SAMD12: variants seen among roughly 807,000 people sequenced by gnomAD.
SAMD12 encodes the protein sterile alpha motif domain-containing protein 12.
In SAMD12, 9 loss-of-function variants were observed where a neutral mutation model predicts 15.0. That is an observed-to-expected ratio of 0.60 (90% CI 0.36 to 1.05). The LOEUF (loss-of-function observed/expected upper bound fraction) is 1.05. SAMD12 is among the 50% of genes least tolerant of loss of function. SAMD12 has a pLI of 0.01. For synonymous variants in SAMD12, 86 were observed against 90.1 expected, an observed-to-expected ratio of 0.96 and a Z score of 0.25; for missense variants, 230 against 234.2, an observed-to-expected ratio of 0.98 and a Z score of 0.12.
the SAMD12 span, among the ~76,000 whole-genome samples, chr8:118,171,026 A>G: frequency 1.3e-5 from 2 of 152,204 alleles, no homozygotes; most frequent in African/African-American, 4.8e-5. Context: ...ATGAATAGAC[A>G]TTTCTCCAAG....
At chr8:118,308,055 G>A (rs962076590) in intron 4 of SAMD12, among the ~76,000 whole-genome samples, 3 of 152,196 alleles carry the variant, frequency 2.0e-5, no homozygotes, top group African/African-American at 7.2e-5. Context: ...CAGGCCTCAT[G>A]CTGATAACTG....
chr8:118,316,258 G>C (rs1353255935), intron 4 of SAMD12, among the ~76,000 whole-genome samples: 1 of 151,764 alleles, frequency 6.6e-6, no homozygotes, highest in Non-Finnish European at 1.5e-5. Context: ...AGATTGGCCA[G>C]GTGCGGTGGC....
At chr8:118,471,263 G>T (rs565323100) in intron 2 of SAMD12, among the ~76,000 whole-genome samples, 65 of 151,706 alleles carry the variant, frequency 4.3e-4, no homozygotes, top group Admixed American at 3.5e-3. Context: ...ATGAGTAATT[G>T]TGCTATTAAA....
rs77706183 is a variant in SAMD12 at position 118,305,883 on chromosome 8, G to A, written c.433+73677C>T. Among the ~76,000 whole-genome samples, 410 of 152,234 alleles carry A rather than the reference G, an allele frequency of 2.7e-3. 3 individuals are homozygous for A. Among genetic ancestry groups the A allele is most frequent in the Middle Eastern group, 0.014 (4 of 294 alleles). ...CAATGTGAAGCATTGGAAGGAGGCC[G>A]AGGGACAGAAGAGGGAATATCCCTC... On this transcript the variant is annotated intron_variant, in intron 4 of 4. Transcript: ENST00000409003.
At chr8:118,437,473 T>C (rs77320548) in intron 3 of SAMD12, among the ~76,000 whole-genome samples, 2,065 of 152,296 alleles carry the variant, frequency 0.014, 38 homozygotes, top group African/African-American at 0.047. Context: ...ACATGACTAA[T>C]AGCACAATGC....
chr8:118,502,708 A>G (rs564300545), intron 2 of SAMD12, among the ~76,000 whole-genome samples: 4 of 152,358 alleles, frequency 2.6e-5, no homozygotes, highest in African/African-American at 7.2e-5. Context: ...TGAAGAAAAC[A>G]TCTTGAAACC....
rs745891588 is a variant in SAMD12 at position 118,379,537 on chromosome 8, C to T, written c.486G>A (p.Gly162=). The T allele has an allele frequency of 4.3e-6, 7 of 1,613,710 alleles. No individual in the cohort carries two copies. In the African/African-American group the frequency reaches 5.3e-5, roughly 12 times the overall value. Residue 162 remains glycine (G), a synonymous_variant, in exon 4 of 4, where the codon GGG becomes GGA. Transcript: ENST00000314727. ...TTCTTCTAATCTCCCCATCCATCCA[C>T]CCATCAGGAAGCAATAGGGTACCTT... is the stretch of plus-strand genomic sequence containing the variant. ...LTQGTLLLPD[G]WMDGEIRRKT...
chr8:118,600,375 GA>G (rs1827829591), intron 1 of SAMD12, among the ~76,000 whole-genome samples: 1 of 152,082 alleles, frequency 6.6e-6, no homozygotes, highest in African/African-American at 2.4e-5. Flanking sequence ...GAGGATGAAA[GA>G]AGATAGGTTT....
At chr8:118,247,496 T>C (rs899872737) in intron 4 of SAMD12, among the ~76,000 whole-genome samples, 1 of 152,152 alleles carries the variant, frequency 6.6e-6, no homozygotes, top group African/African-American at 2.4e-5. Flanking sequence ...TTCCACAATG[T>C]ATACTTGTAT....
downstream of SAMD12, among the ~76,000 whole-genome samples, chr8:118,373,248 A>G (rs546622544): frequency 4.6e-5 from 7 of 152,306 alleles, no homozygotes; most frequent in Non-Finnish European, 1.0e-4. Context: ...GCCACTAACT[A>G]GCTGTGTAAC....
chr8:118,494,171 G>T (rs938372388), intron 2 of SAMD12, among the ~76,000 whole-genome samples: 1 of 152,118 alleles, frequency 6.6e-6, no homozygotes, highest in Admixed American at 6.5e-5. Context: ...GGAAGGGGCC[G>T]CAAGCCAAAT....
chr8:118,170,218 C>T, the SAMD12 span, among the ~76,000 whole-genome samples: 72 of 152,200 alleles, frequency 4.7e-4, no homozygotes, highest in Non-Finnish European at 2.9e-4. Flanking sequence ...TCAGAGTGCT[C>T]GTGAAGATTA....
chr8:118,185,869 C>T (rs1049389341), downstream of SAMD12, among the ~76,000 whole-genome samples: 7 of 151,944 alleles, frequency 4.6e-5, no homozygotes, highest in African/African-American at 1.7e-4. Context: ...CTTTTTATAC[C>T]CCAGGTTTCC....
intron 4 of SAMD12, among the ~76,000 whole-genome samples, chr8:118,279,628 G>C (rs1481399985): frequency 6.6e-6 from 1 of 152,236 alleles, no homozygotes; most frequent in Non-Finnish European, 1.5e-5. Flanking sequence ...ATACAGAACT[G>C]AAATCGTGAA....
chr8:118,364,489 TA>T (rs550128194), intron 4 of SAMD12, among the ~76,000 whole-genome samples: 51 of 152,228 alleles, frequency 3.4e-4, no homozygotes, highest in Admixed American at 1.8e-3. Flanking sequence ...GCGAACTCCT[TA>T]AGGCCAAAAG....
chr8:118,337,911 A>G (rs1042149777), intron 4 of SAMD12, among the ~76,000 whole-genome samples: 1 of 152,238 alleles, frequency 6.6e-6, no homozygotes, highest in Non-Finnish European at 1.5e-5. Flanking sequence ...TGTGGTAAGA[A>G]CAAATCTTCT....
the SAMD12 span, among the ~76,000 whole-genome samples, chr8:118,176,525 G>C: frequency 6.6e-6 from 1 of 152,238 alleles, no homozygotes; most frequent in South Asian, 2.1e-4. Context: ...AACATGCATG[G>C]AGCTGGAGGC....
intron 1 of SAMD12, among the ~76,000 whole-genome samples, chr8:118,587,075 A>G (rs1475301662): frequency 6.6e-6 from 1 of 152,238 alleles, no homozygotes; most frequent in African/African-American, 2.4e-5. Context: ...ACAGTTGTAC[A>G]TACTCAACCC....
chr8:118,553,948 G>A (rs1018327854), intron 2 of SAMD12, among the ~76,000 whole-genome samples: 2 of 151,898 alleles, frequency 1.3e-5, no homozygotes, highest in Admixed American at 6.6e-5. Context: ...ACCATCACTG[G>A]CCATCAGAGA....
Sources: gnomAD v4.1 joint callset for allele counts (sites outside exome capture counted in the v4.1 genomes callset) on GRCh38, gnomAD v4.1.1 for gene constraint, MANE v1.5 for transcripts, NCBI Gene and HGNC (gene_info 2026-07-23, HGNC 2026-07-21) for gene names.